ZFAND3: variants seen among roughly 807,000 people sequenced by gnomAD.
ZFAND3 encodes the protein zinc finger AN1-type containing 3.
Under a neutral mutation model 29.6 loss-of-function variants are expected in ZFAND3, and 10 were observed. That is an observed-to-expected ratio of 0.34 (90% CI 0.21 to 0.57). The LOEUF (loss-of-function observed/expected upper bound fraction) is 0.57. Ranked by LOEUF, ZFAND3 falls within the 20% of genes least tolerant of loss-of-function variation. The pLI, the probability that ZFAND3 is intolerant of heterozygous loss-of-function variation, is 0.86. For synonymous variants in ZFAND3, 128 were observed against 112.6 expected (o/e 1.14, Z -0.87); for missense variants, 230 against 304.5 (o/e 0.76, Z 1.82).
chr6:37,901,868 A>AGAGACCTTCTTGCT (rs1765325011), intron 1 of ZFAND3, among the ~76,000 whole-genome samples: 1 of 152,330 alleles, frequency 6.6e-6, no homozygotes, highest in South Asian at 2.1e-4. Flanking sequence ...TAAGTACTGG[A>AGAGACCTTCTTGCT]GAGACCTTCT....
At chr6:38,062,204 C>T (rs1764255202) in intron 3 of ZFAND3, among the ~76,000 whole-genome samples, 1 of 152,084 alleles carries the variant, frequency 6.6e-6, no homozygotes, top group African/African-American at 2.4e-5. Context: ...ATTTAGGAGC[C>T]TTAGATTGAA....
chr6:37,949,860 A>G (rs1188271782), intron 2 of ZFAND3, among the ~76,000 whole-genome samples: 1 of 152,160 alleles, frequency 6.6e-6, no homozygotes, highest in Non-Finnish European at 1.5e-5. Context: ...ATGTTCAGCT[A>G]TCTGGAAGCT....
At chr6:37,893,613 G>A (rs1418733214) in intron 1 of ZFAND3, among the ~76,000 whole-genome samples, 21 of 152,134 alleles carry the variant, frequency 1.4e-4, no homozygotes, top group Non-Finnish European at 1.5e-5. Context: ...GAGTGCAGTG[G>A]CACAATCTCG....
rs35350059 is a variant in ZFAND3, at chr6:37,870,600, G to GA, written c.71+50602dup. On this transcript the variant is annotated intron_variant, in intron 1 of 5. Transcript: ENST00000287218. ...GGCGACAGAGCAAGGCTCTGTCTCA[G>GA]AAAAAAAAAAAAAAAAAAGAGCACT... is the stretch of plus-strand genomic sequence containing the variant. Among the ~76,000 whole-genome samples, 3,597 of 112,058 alleles carry GA rather than the reference G, an allele frequency of 0.032. 293 individuals carry two copies. The East Asian group carries it at 0.34, about 11-fold the overall frequency. 73.5% of individuals were successfully genotyped at this position (112,058 alleles called of 152,430 possible). A position where few individuals can be genotyped will look rare whatever the true frequency, so the allele number is the denominator to read the frequency against.
rs552684681 is a variant in ZFAND3, at chr6:38,130,490, A to G, written c.529+13751A>G. On this transcript the variant is annotated intron_variant, in intron 5 of 5. Transcript: ENST00000287218. ...TATTATATTGAGGTATATTCCTTGT[A>G]TGCTGATTTTGGTAAGAGTTTTAAT... is the stretch of plus-strand genomic sequence containing the variant. Among the ~76,000 whole-genome samples, 12 of 152,314 alleles carry G rather than the reference A, an allele frequency of 7.9e-5. No homozygotes were observed. The South Asian group carries it at 1.2e-3, about 16-fold the overall frequency.
At position 38,080,597 on chromosome 6, in the gene ZFAND3, G is replaced by A. The variant is rs76298671; in HGVS notation, c.296-1795G>A. On this transcript the variant is annotated intron_variant, in intron 3 of 5. Transcript: ENST00000287218. ...TTTTGTTTGTTTTGTTAAAGAAACC[G>A]AGGATCACTTATCCAAGATTACTCA... 6.6e-5 allele frequency among the ~76,000 whole-genome samples: 10 copies of A among 152,194 alleles called. No homozygotes were observed. In the East Asian group the frequency reaches 1.5e-3, roughly 23 times the overall value.
intron 2 of ZFAND3, among the ~76,000 whole-genome samples, chr6:38,025,735 A>G (rs896061302): frequency 2.2e-4 from 33 of 152,198 alleles, no homozygotes; most frequent in African/African-American, 7.7e-4. Context: ...TGAATTTTGA[A>G]AACTTTCATG....
intron 2 of ZFAND3, among the ~76,000 whole-genome samples, chr6:37,948,159 GCTTA>G (rs1203039274): frequency 4.6e-5 from 7 of 152,158 alleles, no homozygotes; most frequent in African/African-American, 1.4e-4. Context: ...TTGATTTTTT[GCTTA>G]CTTGTTCTGT....
In ZFAND3 at chr6:37,955,187, CT is replaced by C. The variant is rs1762066440; in HGVS notation, c.112+25189del. 2.6e-5 allele frequency among the ~76,000 whole-genome samples: 4 copies of C among 151,444 alleles called. No homozygotes were observed. The South Asian group carries it at 8.3e-4, about 32-fold the overall frequency. On this transcript the variant is annotated intron_variant, in intron 2 of 5. Coordinates refer to ENST00000287218, the MANE Select transcript of ZFAND3 (RefSeq NM_021943.3). Reference sequence around the variant, plus strand: ...TGTGTGTGTGTCTCTAAGGGAATCACTGTCCTTATCTAGTGTATTGAAAACC... The same window carrying C: ...TGTGTGTGTGTCTCTAAGGGAATCACGTCCTTATCTAGTGTATTGAAAACC...
intron 2 of ZFAND3, among the ~76,000 whole-genome samples, chr6:38,028,605 T>A (rs551492712): frequency 6.6e-6 from 1 of 152,334 alleles, no homozygotes; most frequent in South Asian, 2.1e-4. Context: ...AGTGTCCCAT[T>A]GCGACTAAAG....
intron 2 of ZFAND3, among the ~76,000 whole-genome samples, chr6:38,015,420 G>A (rs1379537064): frequency 6.6e-6 from 1 of 152,172 alleles, no homozygotes; most frequent in Admixed American, 6.5e-5. Context: ...TTTGATAAAG[G>A]AGGCATTCCT....
intron 5 of ZFAND3, among the ~76,000 whole-genome samples, chr6:38,140,212 T>A (rs1276203716): frequency 1.3e-5 from 2 of 152,332 alleles, no homozygotes; most frequent in Non-Finnish European, 1.5e-5. Context: ...AAGAGAGGTC[T>A]GGGGCAGAGA....
At chr6:38,101,979 C>G (rs1217315691) in intron 4 of ZFAND3, among the ~76,000 whole-genome samples, 1 of 151,912 alleles carries the variant, frequency 6.6e-6, no homozygotes, top group African/African-American at 2.4e-5. Context: ...CAAACATTTC[C>G]CCCTTACATT....
At chr6:37,900,666 G>T (rs147482894) in intron 1 of ZFAND3, among the ~76,000 whole-genome samples, 1 of 152,236 alleles carries the variant, frequency 6.6e-6, no homozygotes, top group East Asian at 1.9e-4. Context: ...ACAAATACTT[G>T]TCACAGGTCT....
intron 1 of ZFAND3, chr6:37,832,787 C>T (rs956419430): frequency 6.6e-6 from 1 of 152,298 alleles, no homozygotes; most frequent in Non-Finnish European, 1.5e-5. Flanking sequence ...AGTGATCCTT[C>T]TGCCTGAGCC....
chr6:38,041,668 T>C (rs1406986797), intron 2 of ZFAND3, among the ~76,000 whole-genome samples: 46 of 23,848 alleles, frequency 1.9e-3, no homozygotes, highest in South Asian at 7.4e-3. Context: ...CTTCTTCTTC[T>C]TCTTCTTCTT....
chr6:38,008,641 C>T (rs982941364), intron 2 of ZFAND3, among the ~76,000 whole-genome samples: 1 of 152,086 alleles, frequency 6.6e-6, no homozygotes, highest in Non-Finnish European at 1.5e-5. Context: ...CTTCTATCTC[C>T]CCCTCCACCA....
chr6:37,879,959 T>G (rs1357821336), intron 1 of ZFAND3, among the ~76,000 whole-genome samples: 2 of 152,204 alleles, frequency 1.3e-5, no homozygotes, highest in East Asian at 3.8e-4. Context: ...AGCAAAATCT[T>G]TATGTGTGAT....
intron 2 of ZFAND3, among the ~76,000 whole-genome samples, chr6:38,014,312 T>TTTATTATTA (rs138224141): frequency 6.1e-5 from 9 of 146,678 alleles, no homozygotes; most frequent in African/African-American, 2.0e-4. Flanking sequence ...GTAATTTTAC[T>TTTATTATTA]TTATTATTAT....
Sources: gnomAD v4.1 joint callset for allele counts (sites outside exome capture counted in the v4.1 genomes callset) on GRCh38, gnomAD v4.1.1 for gene constraint, MANE v1.5 for transcripts, NCBI Gene and HGNC (gene_info 2026-07-23, HGNC 2026-07-21) for gene names.